ADAMTSL1: variants seen among roughly 807,000 people sequenced by gnomAD.
The protein encoded by ADAMTSL1 is ADAMTS-like protein 1.
In ADAMTSL1, 126 loss-of-function variants were observed where a neutral mutation model predicts 201.8. The observed-to-expected ratio is 0.62, with a 90% confidence interval of 0.54 to 0.72. The LOEUF is 0.72. Among genes scored for constraint, ADAMTSL1 ranks in the 30% least tolerant of loss-of-function variants. ADAMTSL1 has a pLI of 0.00. For synonymous variants in ADAMTSL1, 1,121 were observed against 903.4 expected, an observed-to-expected ratio of 1.24 and a Z score of -4.32; for missense variants, 2,679 against 2,277.8, an observed-to-expected ratio of 1.18 and a Z score of -3.59.
rs75513104 is a variant in ADAMTSL1, at chr9:18,100,157, T to A, written c.88-63705T>A. Among the ~76,000 whole-genome samples, 4 of 152,338 alleles carry A rather than the reference T, an allele frequency of 2.6e-5. No homozygotes were observed. In the East Asian group the frequency reaches 7.7e-4, roughly 29 times the overall value. On this transcript the variant is annotated intron_variant, in intron 1 of 29. Transcript: ENST00000680146. Reference sequence around the variant, plus strand: ...ACAGTTTCAAACTGTTCTGTGGACATGTCCTCCAGAATTTTTGTCTGTAGG... The same window carrying A: ...ACAGTTTCAAACTGTTCTGTGGACAAGTCCTCCAGAATTTTTGTCTGTAGG...
At chr9:18,366,410 C>G (rs534416280) in intron 2 of ADAMTSL1, among the ~76,000 whole-genome samples, 1 of 151,786 alleles carries the variant, frequency 6.6e-6, no homozygotes, top group East Asian at 1.9e-4. Context: ...TTCATTTGTC[C>G]CATATACTAT....
intron 21 of ADAMTSL1, among the ~76,000 whole-genome samples, chr9:18,819,344 T>C (rs1022878292): frequency 3.3e-5 from 5 of 151,672 alleles, no homozygotes; most frequent in African/African-American, 1.2e-4. Flanking sequence ...TAATCACAGC[T>C]ACTCAGGAGG....
At chr9:18,545,519 A>G (rs959917585) in intron 3 of ADAMTSL1, among the ~76,000 whole-genome samples, 2 of 152,202 alleles carry the variant, frequency 1.3e-5, no homozygotes, top group Non-Finnish European at 2.9e-5. Context: ...TAATTCTTCA[A>G]GGCTAGAAGT....
At chr9:18,175,093 T>A (rs150727507) in intron 2 of ADAMTSL1, among the ~76,000 whole-genome samples, 1 of 152,282 alleles carries the variant, frequency 6.6e-6, no homozygotes, top group East Asian at 1.9e-4. Context: ...CAAGGTGCAT[T>A]TATAGAGCTG....
chr9:18,564,546 T>C (rs1208726241), intron 3 of ADAMTSL1, among the ~76,000 whole-genome samples: 1 of 152,246 alleles, frequency 6.6e-6, no homozygotes, highest in Non-Finnish European at 1.5e-5. Context: ...AAGGAATTTA[T>C]GTGCTGAAAT....
intron 16 of ADAMTSL1, among the ~76,000 whole-genome samples, chr9:18,766,336 A>C (rs1449539759): frequency 6.6e-6 from 1 of 152,172 alleles, no homozygotes; most frequent in African/African-American, 2.4e-5. Context: ...TTGCAAGGGA[A>C]CGTCATTGGA....
At chr9:18,159,519 C>A (rs1827297408) in intron 1 of ADAMTSL1, among the ~76,000 whole-genome samples, 1 of 152,048 alleles carries the variant, frequency 6.6e-6, no homozygotes, top group South Asian at 2.1e-4. Flanking sequence ...TATTCATAAT[C>A]AGCTCCCATC....
intron 2 of ADAMTSL1, among the ~76,000 whole-genome samples, chr9:18,351,425 C>T (rs1586946775): frequency 6.6e-6 from 1 of 151,742 alleles, no homozygotes; most frequent in Admixed American, 6.6e-5. Flanking sequence ...ATGAGGAACA[C>T]ATAAATAAAA....
At chr9:18,417,744 A>G (rs537456917) in intron 2 of ADAMTSL1, among the ~76,000 whole-genome samples, 1 of 152,156 alleles carries the variant, frequency 6.6e-6, no homozygotes, top group African/African-American at 2.4e-5. Flanking sequence ...AGTTTTGTCA[A>G]AAAAGGAACC....
rs148870235 is a variant in ADAMTSL1 at position 17,981,607 on chromosome 9, G to A, written c.87+74685G>A. Reference sequence around the variant, plus strand: ...GTGTCCTTCTTCAAAGAGATTTTGCGTTTTCTTCTGCCAGGCACCTGAGGC... The same window carrying A: ...GTGTCCTTCTTCAAAGAGATTTTGCATTTTCTTCTGCCAGGCACCTGAGGC... On this transcript the variant is annotated intron_variant, in intron 1 of 29. Transcript: ENST00000680146. Among the ~76,000 whole-genome samples the A allele has an allele frequency of 3.7e-4, 56 of 152,136 alleles. No individual in the cohort carries two copies. In the East Asian group the frequency reaches 8.7e-3, roughly 24 times the overall value.
At chr9:18,627,490 T>C (rs1826465679) in intron 5 of ADAMTSL1, among the ~76,000 whole-genome samples, 1 of 152,172 alleles carries the variant, frequency 6.6e-6, no homozygotes, top group African/African-American at 2.4e-5. Flanking sequence ...AAAACTGAAA[T>C]AGGTTTCACT....
At chr9:18,526,403 CTG>C (rs762175777) in intron 2 of ADAMTSL1, among the ~76,000 whole-genome samples, 115 of 152,172 alleles carry the variant, frequency 7.6e-4, no homozygotes, top group Non-Finnish European at 3.7e-4. Context: ...ATTTGCCAGT[CTG>C]TGTCTTTTAA....
At chr9:18,626,837 C>T (rs1172791172) in intron 5 of ADAMTSL1, among the ~76,000 whole-genome samples, 1 of 125,366 alleles carries the variant, frequency 8.0e-6, no homozygotes, top group Non-Finnish European at 1.8e-5. Flanking sequence ...TTCTTACTTT[C>T]TTTTTCTTTC....
At chr9:18,581,254 C>A (rs902911013) in intron 4 of ADAMTSL1, among the ~76,000 whole-genome samples, 2 of 152,146 alleles carry the variant, frequency 1.3e-5, no homozygotes, top group Non-Finnish European at 2.9e-5. Context: ...TTCACCTCTT[C>A]TTATAAGGAC....
chr9:18,527,063 A>G (rs1047387407), intron 2 of ADAMTSL1, among the ~76,000 whole-genome samples: 6 of 152,180 alleles, frequency 3.9e-5, no homozygotes, highest in African/African-American at 1.4e-4. Flanking sequence ...TCATGGTTAC[A>G]GTGAGCTATG....
At chr9:17,908,852 G>A (rs1208554982) in intron 1 of ADAMTSL1, among the ~76,000 whole-genome samples, 1 of 152,086 alleles carries the variant, frequency 6.6e-6, no homozygotes, top group Non-Finnish European at 1.5e-5. Flanking sequence ...GGGATGGCTG[G>A]GTCAAATGGT....
intron 1 of ADAMTSL1, among the ~76,000 whole-genome samples, chr9:17,972,528 G>A (rs1818252893): frequency 6.6e-6 from 1 of 151,814 alleles, no homozygotes. Flanking sequence ...ATTCCATGGT[G>A]TCTATGTGCC....
chr9:18,414,264 T>A (rs1818576030), intron 2 of ADAMTSL1, among the ~76,000 whole-genome samples: 1 of 152,188 alleles, frequency 6.6e-6, no homozygotes, highest in Non-Finnish European at 1.5e-5. Context: ...TTTAGCAACA[T>A]CTGGAACGTA....
intron 4 of ADAMTSL1, among the ~76,000 whole-genome samples, chr9:18,587,588 TTCTA>T (rs1823592601): frequency 6.6e-6 from 1 of 152,208 alleles, no homozygotes; most frequent in Non-Finnish European, 1.5e-5. Flanking sequence ...AACTTATTCC[TTCTA>T]TCTGTGTTTG....
Sources: gnomAD v4.1 joint callset for allele counts (sites outside exome capture counted in the v4.1 genomes callset) on GRCh38, gnomAD v4.1.1 for gene constraint, MANE v1.5 for transcripts, NCBI Gene and HGNC (gene_info 2026-07-23, HGNC 2026-07-21) for gene names.